The following ADCYAP1R1 variants were observed in gnomAD, a reference collection of about 807,000 sequenced individuals.
ADCYAP1R1 encodes the protein pituitary adenylate cyclase-activating polypeptide type I receptor.
In ADCYAP1R1, 44 loss-of-function variants were observed where a neutral mutation model predicts 67.6. That is an observed-to-expected ratio of 0.65 (90% CI 0.51 to 0.84). The LOEUF (loss-of-function observed/expected upper bound fraction) is 0.84. Among genes scored for constraint, ADCYAP1R1 ranks in the 40% least tolerant of loss-of-function variants. ADCYAP1R1 has a pLI of 0.00. For missense variants in ADCYAP1R1, 477 were observed against 587.9 expected (o/e 0.81, Z 1.95); for synonymous variants, 222 against 219.6 (o/e 1.01, Z -0.10).
Position 31,106,846 on chromosome 7 carries a change from T to G in ADCYAP1R1, c.*162T>G. On this transcript the variant is annotated 3_prime_UTR_variant, in exon 16 of 16. Coordinates refer to ENST00000304166, the MANE Select transcript of ADCYAP1R1 (RefSeq NM_001118.5). ...GGAGGCAGGGCACAGACTGGAATTG[T>G]CCCCTCCTTGTTTTGGTACTGGTCC... 1 of 844,396 alleles carries G rather than the reference T, an allele frequency of 1.2e-6. No homozygotes were observed. Among genetic ancestry groups the G allele is most frequent in the Non-Finnish European group, 1.8e-6 (1 of 567,956 alleles). The allele number at this position is 844,396 out of a possible 1,614,324, so 52.3% of individuals were successfully genotyped here.
At chr7:31,082,747 T>G (rs1252641838) in intron 6 of ADCYAP1R1, among the ~76,000 whole-genome samples, 4 of 152,244 alleles carry the variant, frequency 2.6e-5, no homozygotes, top group Non-Finnish European at 5.9e-5. Context: ...TTGCTCTCTC[T>G]GGGCTTGCCA....
rs1478252322 is a variant in ADCYAP1R1, at chr7:31,078,096, A to G, written c.263A>G (p.Gln88Arg). ...CTCTTCCGAATCTTCAACCCAGACC[A>G]AGGTGGGTTTAGCCCAGTCTCTTTA... Reference protein sequence around the residue: ...PELFRIFNPDQVWETETIGES... With the variant: ...PELFRIFNPDRVWETETIGES... Residue 88 changes from glutamine (Q) to arginine (R), a missense_variant and splice_region_variant, in exon 4 of 16, where the codon CAA becomes CGA. Transcript: ENST00000304166. The G allele has an allele frequency of 1.9e-6, 3 of 1,609,020 alleles. No individual in the cohort carries two copies. Among genetic ancestry groups the G allele is most frequent in the African/African-American group, 2.7e-5 (2 of 74,794 alleles).
At chr7:31,058,551 A>G (rs1262872898) in intron 1 of ADCYAP1R1, among the ~76,000 whole-genome samples, 1 of 152,150 alleles carries the variant, frequency 6.6e-6, no homozygotes, top group Non-Finnish European at 1.5e-5. Flanking sequence ...ATATTGTGTG[A>G]CCTTGGAAAG....
rs553837861 is a variant in ADCYAP1R1 at position 31,103,720 on chromosome 7, T to C, written c.1176+354T>C. On this transcript the variant is annotated intron_variant, in intron 14 of 15. Coordinates refer to ENST00000304166, the MANE Select transcript of ADCYAP1R1 (RefSeq NM_001118.5). The stretch of plus-strand genomic sequence containing the variant: ...TTTAGGCCATGTACCCCTTGAGTTC[T>C]GTCTTACCTACATCTAGATCCCCAG... Among the ~76,000 whole-genome samples, 7 of 152,336 alleles carry C rather than the reference T, an allele frequency of 4.6e-5. No homozygotes were observed. In the South Asian group the frequency reaches 1.5e-3, roughly 32 times the overall value.
At chr7:31,096,031 G>T (rs1419517589) in intron 13 of ADCYAP1R1, among the ~76,000 whole-genome samples, 9 of 152,180 alleles carry the variant, frequency 5.9e-5, no homozygotes, top group Non-Finnish European at 1.3e-4. Context: ...TTAGCCCTCA[G>T]CTGGGGTTGG....
intron 13 of ADCYAP1R1, among the ~76,000 whole-genome samples, chr7:31,098,447 G>T (rs915236834): frequency 2.0e-5 from 3 of 152,134 alleles, no homozygotes; most frequent in African/African-American, 7.2e-5. Flanking sequence ...ATCCCCCAGG[G>T]ATCTAGTTAA....
chr7:31,103,743 C>T lies in ADCYAP1R1; in HGVS notation c.1176+377C>T, dbSNP rs1393909174. 2.0e-5 allele frequency among the ~76,000 whole-genome samples: 3 copies of T among 152,196 alleles called. No individual in the cohort carries two copies. The East Asian group carries it at 5.8e-4, about 29-fold the overall frequency. Reference sequence around the variant, plus strand: ...TCTGTCTTACCTACATCTAGATCCCCAGCACAGGGCCTGGCCACAGAGAGC... The same window carrying T: ...TCTGTCTTACCTACATCTAGATCCCTAGCACAGGGCCTGGCCACAGAGAGC... On this transcript the variant is annotated intron_variant, in intron 14 of 15. Coordinates refer to ENST00000304166, the MANE Select transcript of ADCYAP1R1 (RefSeq NM_001118.5).
Position 31,087,674 on chromosome 7 carries a change from G to T in ADCYAP1R1, c.932G>T (p.Gly311Val), listed in dbSNP as rs755739480. 3 of 1,614,028 alleles carry T rather than the reference G, an allele frequency of 1.9e-6. No individual in the cohort carries two copies. The highest frequency in any genetic ancestry group is 2.5e-6 in the Non-Finnish European group (3 of 1,179,940). ...DSTALWWVIK[G>V]PVVGSIMVNF... The stretch of plus-strand genomic sequence containing the variant: ...ACAGCTCTGTGGTGGGTGATCAAAG[G>T]CCCTGTGGTTGGCTCTATCATGGTG... The change falls in exon 12 of 16, where the codon GGC becomes GTC. Residue 311 changes from glycine to valine, a missense_variant. By Grantham distance (109) the Gly-to-Val change is moderately radical (BLOSUM62 -3). Coordinates refer to ENST00000304166, the MANE Select transcript of ADCYAP1R1 (RefSeq NM_001118.5).
At chr7:31,073,483 C>T (rs576174577) in intron 3 of ADCYAP1R1, among the ~76,000 whole-genome samples, 32 of 152,088 alleles carry the variant, frequency 2.1e-4, no homozygotes, top group Non-Finnish European at 3.5e-4. Context: ...AGAAGCTGGA[C>T]GTACTGTGTG....
intron 3 of ADCYAP1R1, among the ~76,000 whole-genome samples, chr7:31,066,674 C>T (rs2128618699): frequency 6.6e-6 from 1 of 152,308 alleles, no homozygotes; most frequent in South Asian, 2.1e-4. Context: ...CAATCCAAAC[C>T]AATTAAATCA....
At chr7:31,097,778 G>T (rs1365992676) in intron 13 of ADCYAP1R1, among the ~76,000 whole-genome samples, 1 of 151,908 alleles carries the variant, frequency 6.6e-6, no homozygotes, top group Non-Finnish European at 1.5e-5. Context: ...TGGGGTGAAG[G>T]TTTAAGCTTG....
In ADCYAP1R1 at chr7:31,086,038, A is replaced by T. The variant is rs1027731952; in HGVS notation, c.670-346A>T. ...TGAAAGGTGTCCAAATCCTCATTAT[A>T]CCAAGGAGCCTCCTGCAGGGTCCTC... On this transcript the variant is annotated intron_variant, in intron 9 of 15. Coordinates refer to ENST00000304166, the MANE Select transcript of ADCYAP1R1 (RefSeq NM_001118.5). This position sits in a 1 kb window ranked among gnomAD's most constrained non-coding sequence, Gnocchi z 5.0. Among the ~76,000 whole-genome samples the T allele has an allele frequency of 2.6e-5, 4 of 152,264 alleles. No individual in the cohort carries two copies. Among genetic ancestry groups the T allele is most frequent in the East Asian group, 3.9e-4 (2 of 5,172 alleles).
intron 13 of ADCYAP1R1, among the ~76,000 whole-genome samples, chr7:31,094,322 C>T (rs1216489795): frequency 1.3e-5 from 2 of 152,128 alleles, no homozygotes; most frequent in African/African-American, 2.4e-5. Flanking sequence ...TTCCTGCCTT[C>T]ATCTCAAGGA....
At chr7:31,066,147 T>C (rs1165903670) in intron 3 of ADCYAP1R1, among the ~76,000 whole-genome samples, 1 of 152,178 alleles carries the variant, frequency 6.6e-6, no homozygotes, top group Non-Finnish European at 1.5e-5. Context: ...TCCAAGTCTC[T>C]GTTTGGAGGA....
intron 12 of ADCYAP1R1, among the ~76,000 whole-genome samples, chr7:31,091,534 T>A (rs940318317): frequency 1.3e-4 from 20 of 152,364 alleles, no homozygotes; most frequent in Admixed American, 9.1e-4. Flanking sequence ...TCTAGGACTT[T>A]TATAGTTTGA....
chr7:31,106,622 C>T lies in ADCYAP1R1; in HGVS notation c.1345C>T (p.Leu449=). 6.2e-7 allele frequency: 1 copy of T among 1,613,902 alleles called. No homozygotes were observed. The highest frequency in any genetic ancestry group is 8.5e-7 in the Non-Finnish European group (1 of 1,179,850). The change falls in exon 16 of 16, where the codon CTG becomes TTG. Residue 449 remains leucine (L), a synonymous_variant. Coordinates refer to ENST00000304166, the MANE Select transcript of ADCYAP1R1 (RefSeq NM_001118.5). ...GVNGGTQLSI[L]SKSSSQIRMS... ...GAATGGGGGCACCCAGCTCTCCATC[C>T]TGAGCAAGAGCAGCTCCCAAATCCG...
intron 1 of ADCYAP1R1, among the ~76,000 whole-genome samples, chr7:31,055,745 G>T (rs1279678034): frequency 6.6e-6 from 1 of 152,214 alleles, no homozygotes; most frequent in East Asian, 1.9e-4. Context: ...GGTCAGAGAG[G>T]TTGACAAAGG....
chr7:31,077,725 T>C (rs1242304678), intron 3 of ADCYAP1R1, among the ~76,000 whole-genome samples: 1 of 147,318 alleles, frequency 6.8e-6, no homozygotes, highest in East Asian at 2.0e-4. Flanking sequence ...AATGTGTGTG[T>C]GGTGTATGTG....
At position 31,081,813 on chromosome 7, in the gene ADCYAP1R1, T is replaced by C. The variant is rs1795525823; in HGVS notation, c.328+59T>C. On this transcript the variant is annotated intron_variant, in intron 6 of 15. Transcript: ENST00000304166. ...GCTGGAGGGAGGGCGTCTGCTGACA[T>C]GTGAGCTTTGAGAACCCCATCCCAG... 2.8e-6 allele frequency: 4 copies of C among 1,449,428 alleles called. 1 individual carries two copies. The highest frequency in any genetic ancestry group is 3.9e-5 in the Admixed American group (2 of 51,704). 89.8% of individuals were successfully genotyped at this position (1,449,428 alleles called of 1,614,324 possible).
Sources: gnomAD v4.1 joint callset for allele counts (sites outside exome capture counted in the v4.1 genomes callset) on GRCh38, gnomAD v4.1.1 for gene constraint, Gnocchi (gnomAD v3.1) non-coding constraint, MANE v1.5 for transcripts, NCBI Gene and HGNC (gene_info 2026-07-23, HGNC 2026-07-21) for gene names.